MFSD1: variants seen among roughly 807,000 people sequenced by gnomAD.
The protein encoded by MFSD1 is major facilitator superfamily domain containing 1.
In MFSD1, 59 loss-of-function variants were observed where a neutral mutation model predicts 67.1. The observed-to-expected ratio is 0.88, with a 90% CI of 0.71 to 1.09. The LOEUF (loss-of-function observed/expected upper bound fraction) is 1.09, where lower values mean the gene tolerates loss of function less well. MFSD1 is among the 50% of genes least tolerant of loss of function. MFSD1 has a pLI of 0.00. For missense variants in MFSD1, 552 were observed against 566.1 expected, an observed-to-expected ratio of 0.97 and a Z score of 0.25; for synonymous variants, 213 against 200.3, an observed-to-expected ratio of 1.06 and a Z score of -0.54.
chr3:158,825,939 CTTTGTGA>C (rs1209252173), intron 13 of MFSD1, 69 bp from the exon 14 acceptor site: 13 of 1,145,058 alleles, frequency 1.1e-5, no homozygotes, highest in Non-Finnish European at 1.7e-5. Flanking sequence ...CTAAGCTTTG[CTTTGTGA>C]TTATGATTAC....
intron 5 of MFSD1, among the ~76,000 whole-genome samples, chr3:158,808,534 C>A (rs768534348): frequency 6.6e-5 from 10 of 152,140 alleles, no homozygotes; most frequent in Non-Finnish European, 1.2e-4. Flanking sequence ...AAAGCATGGA[C>A]CACTTTTCCC....
At chr3:158,803,379 A>T (rs1729557648) in intron 1 of MFSD1, among the ~76,000 whole-genome samples, 1 of 152,102 alleles carries the variant, frequency 6.6e-6, no homozygotes, top group African/African-American at 2.4e-5. Flanking sequence ...GTTTTTTAAA[A>T]GATGATGCCC....
chr3:158,804,102 C>A, intron 1 of MFSD1: 2 of 409,728 alleles, frequency 4.9e-6, no homozygotes, highest in African/African-American at 2.0e-5. Flanking sequence ...CTTTTTAATT[C>A]AGGTTCCCAG....
rs3765083 is a variant in MFSD1, at chr3:158,819,654, A to G, written c.658A>G (p.Ile220Val). 0.56 allele frequency: 838,223 copies of G among 1,505,906 alleles called. 237,614 individuals are homozygous for G. Among genetic ancestry groups the G allele is most frequent in the Middle Eastern group, 0.7 (4,061 of 5,770 alleles). 93.3% of individuals were successfully genotyped at this position (1,505,906 alleles called of 1,614,324 possible). A position where few individuals can be genotyped will look rare whatever the true frequency, so the allele number is the denominator to read the frequency against. ...TLGITLMIGG[I>V]TCILSLICAL... is the part of the protein sequence containing the mutation. The stretch of plus-strand genomic sequence containing the variant: ...TTTTTTTTTTTTTTATTTAGGGGGT[A>G]TAACGTGTATTCTTTCACTAATCTG... The change falls in exon 8 of 16, where the codon ATA becomes GTA. Residue 220 changes from isoleucine to valine, a missense_variant. Coordinates refer to ENST00000415822, the MANE Select transcript of MFSD1 (RefSeq NM_022736.4).
chr3:158,809,154 T>C (rs77840639), intron 5 of MFSD1, 25 bp from the exon 6 acceptor site: 2 of 652,566 alleles, frequency 3.1e-6, no homozygotes, highest in Non-Finnish European at 4.3e-6. Context: ...TGACTTCTGG[T>C]TTTTTTTTTT....
intron 11 of MFSD1, 31 bp from the exon 12 acceptor site, chr3:158,823,397 A>G (rs1559923957): frequency 7.0e-7 from 1 of 1,431,158 alleles, no homozygotes; most frequent in Non-Finnish European, 9.9e-7. Context: ...TTAATGTAAG[A>G]CTGTGACCTT....
chr3:158,817,740 A>G (rs974061436), intron 7 of MFSD1, among the ~76,000 whole-genome samples: 2 of 152,176 alleles, frequency 1.3e-5, no homozygotes, highest in African/African-American at 2.4e-5. Context: ...ACAGAATTGG[A>G]AAAAACTACT....
At chr3:158,815,838 G>C (rs1730302965) in intron 7 of MFSD1, among the ~76,000 whole-genome samples, 2 of 144,486 alleles carry the variant, frequency 1.4e-5, no homozygotes, top group South Asian at 4.5e-4. Context: ...AGAGTGTGAT[G>C]TTCCCCTTCC....
intron 7 of MFSD1, among the ~76,000 whole-genome samples, chr3:158,814,943 G>A (rs976467052): frequency 6.6e-6 from 1 of 152,030 alleles, no homozygotes; most frequent in South Asian, 2.1e-4. Context: ...TTAGCTGGGC[G>A]TGGTGGCACA....
intron 5 of MFSD1, among the ~76,000 whole-genome samples, chr3:158,808,614 G>T (rs1729843953): frequency 1.3e-5 from 2 of 152,280 alleles, no homozygotes; most frequent in South Asian, 2.1e-4. Context: ...GCCTATCATG[G>T]TTATTATTGC....
intron 9 of MFSD1, 83 bp from the exon 10 acceptor site, chr3:158,821,512 CTT>C (rs1730665308): frequency 2.3e-6 from 2 of 879,362 alleles, no homozygotes; most frequent in Non-Finnish European, 3.6e-6. Flanking sequence ...GCTGATTAAA[CTT>C]GAGTTATTTT....
intron 11 of MFSD1, 35 bp from the exon 12 acceptor site, chr3:158,823,393 T>A: frequency 4.3e-6 from 6 of 1,407,836 alleles, no homozygotes; most frequent in Non-Finnish European, 6.0e-6. Context: ...TTGGTTAATG[T>A]AAGACTGTGA....
chr3:158,805,442 T>A lies in MFSD1; in HGVS notation c.297T>A (p.Gly99=), dbSNP rs1226283890. 1 of 1,614,088 alleles carries A rather than the reference T, an allele frequency of 6.2e-7. No homozygotes were observed. The highest frequency in any genetic ancestry group is 8.5e-7 in the Non-Finnish European group (1 of 1,179,914). The change falls in exon 3 of 16, where the codon GGT becomes GGA. Residue 99 remains glycine, a synonymous_variant. Transcript: ENST00000415822. Reference sequence around the variant, plus strand: ...CCAATGTAGTTTTGTGTTTCTTTGGTGGCTTTTTGATAGACCGAGTATTTG... The same window carrying A: ...CCAATGTAGTTTTGTGTTTCTTTGGAGGCTTTTTGATAGACCGAGTATTTG... ...SWPNVVLCFF[G]GFLIDRVFGI...
In MFSD1 at chr3:158,804,351, C is replaced by T; in HGVS notation, c.196C>T (p.Leu66Phe). 1 of 1,611,274 alleles carries T rather than the reference C, an allele frequency of 6.2e-7. No individual in the cohort carries two copies. ...TTTTTGCTATGATAATCCTGCTGCC[C>T]TTCAGACTCAAGTTAAACGAGTAAG... is the stretch of plus-strand genomic sequence containing the variant. The part of the protein sequence containing the change: ...SYFCYDNPAA[L>F]QTQVKRDMQV... The change falls in exon 2 of 16, where the codon CTT becomes TTT. Residue 66 changes from leucine to phenylalanine, a missense_variant. Coordinates refer to ENST00000415822, the MANE Select transcript of MFSD1 (RefSeq NM_022736.4).
chr3:158,804,528 A>T (rs1729625016), intron 2 of MFSD1, among the ~76,000 whole-genome samples, 157 bp downstream of exon 2: 1 of 152,196 alleles, frequency 6.6e-6, no homozygotes, highest in Admixed American at 6.5e-5. Context: ...GGGTGTTCTT[A>T]AGTTGAAATG....
At chr3:158,804,397 C>A (rs1729617903) in intron 2 of MFSD1, 26 bp downstream of exon 2, 8 of 1,593,356 alleles carry the variant, frequency 5.0e-6, no homozygotes, top group Middle Eastern at 2.0e-4. Flanking sequence ...ACTCTTGTTT[C>A]TTTTGTTTTC....
At chr3:158,807,013 CA>C in intron 3 of MFSD1, 26 bp from the exon 4 acceptor site, 1 of 1,571,080 alleles carries the variant, frequency 6.4e-7, no homozygotes, top group Non-Finnish European at 8.6e-7. Context: ...TTCTTTTTCT[CA>C]TTCTCATTCT....
intron 6 of MFSD1, among the ~76,000 whole-genome samples, chr3:158,812,158 A>C (rs1386790770): frequency 2.6e-5 from 4 of 152,290 alleles, no homozygotes; most frequent in African/African-American, 9.6e-5. Flanking sequence ...GGTATATGCT[A>C]ATAGTTCAAG....
In MFSD1 at chr3:158,820,195, T is replaced by C. The variant is rs768428656; in HGVS notation, c.752-20T>C. 7.2e-7 allele frequency: 1 copy of C among 1,380,036 alleles called. No homozygotes were observed. The highest frequency in any genetic ancestry group is 1.7e-5 in the Admixed American group (1 of 59,210). The allele number at this position is 1,380,036 out of a possible 1,614,324, so 85.5% of individuals were successfully genotyped here. ...GGTATGCAAAATTATGCTGATAGTG[T>C]CTTCCCTTTCTTCTCTAAGGTGAAG... On this transcript the variant is annotated intron_variant, in intron 8 of 15. Coordinates refer to ENST00000415822, the MANE Select transcript of MFSD1 (RefSeq NM_022736.4).
Sources: allele counts gnomAD v4.1 joint callset (sites outside exome capture counted in the v4.1 genomes callset), GRCh38; gene constraint gnomAD v4.1.1; transcripts MANE v1.5; gene names NCBI Gene and HGNC (gene_info 2026-07-23, HGNC 2026-07-21).